MSRA: variants seen among roughly 807,000 people sequenced by gnomAD.
The protein encoded by MSRA is methionine sulfoxide reductase A, also known as mitochondrial peptide methionine sulfoxide reductase.
In MSRA, 54 loss-of-function variants were observed where a neutral mutation model predicts 31.3. That is an observed-to-expected ratio of 1.73 (90% CI 1.39 to 2.17). The LOEUF is 2.17. Among genes scored for constraint, MSRA ranks in the 30% most tolerant of loss-of-function variants. The pLI is 0.00. For synonymous variants in MSRA, 169 were observed against 116.5 expected, an observed-to-expected ratio of 1.45 and a Z score of -2.90; for missense variants, 507 against 300.9, an observed-to-expected ratio of 1.69 and a Z score of -5.07.
chr8:10,066,083 C>T (rs199538605), intron 1 of MSRA, among the ~76,000 whole-genome samples: 4 of 151,978 alleles, frequency 2.6e-5, no homozygotes, highest in African/African-American at 4.8e-5. Flanking sequence ...AGTGCAGTGG[C>T]ATGATCTCGG....
At position 10,392,707 on chromosome 8, in the gene MSRA, T is replaced by C. The variant is rs561663595; in HGVS notation, c.544-35441T>C. ...TTTTTTTTTTTTTAAATCTATGATA[T>C]TGGGAAGGTCAAATTAGCTGATCGC... On this transcript the variant is annotated intron_variant, in intron 5 of 5. Coordinates refer to ENST00000317173, the MANE Select transcript of MSRA (RefSeq NM_012331.5). Among the ~76,000 whole-genome samples the C allele has an allele frequency of 1.4e-3, 216 of 151,080 alleles. 4 individuals carry two copies. Among genetic ancestry groups the C allele is most frequent in the African/African-American group, 4.1e-3 (170 of 41,130 alleles).
intron 1 of MSRA, among the ~76,000 whole-genome samples, chr8:10,138,718 G>A (rs1802472535): frequency 6.6e-6 from 1 of 152,172 alleles, no homozygotes; most frequent in Non-Finnish European, 1.5e-5. Context: ...GTTGCTCGCT[G>A]TTGATTTATT....
chr8:10,201,239 A>C (rs550912846), intron 1 of MSRA, among the ~76,000 whole-genome samples: 15 of 151,958 alleles, frequency 9.9e-5, no homozygotes, highest in Non-Finnish European at 1.9e-4. Flanking sequence ...GAAACACTTG[A>C]TACGTCAGTC....
chr8:10,426,679 T>G (rs1217960892), intron 5 of MSRA, among the ~76,000 whole-genome samples: 2 of 152,242 alleles, frequency 1.3e-5, no homozygotes, highest in East Asian at 1.9e-4. Context: ...GCTGAGAATG[T>G]CAGGGACCAA....
At chr8:10,071,076 G>C (rs972628662) in intron 1 of MSRA, among the ~76,000 whole-genome samples, 5 of 152,178 alleles carry the variant, frequency 3.3e-5, no homozygotes, top group African/African-American at 1.2e-4. Flanking sequence ...ATAAGAAACT[G>C]CCAAACTGTT....
chr8:10,091,610 T>C (rs113904163), intron 1 of MSRA, among the ~76,000 whole-genome samples: 1 of 151,278 alleles, frequency 6.6e-6, no homozygotes, highest in Non-Finnish European at 1.5e-5. Flanking sequence ...TATGGTAGTT[T>C]TTTTTTTTTT....
chr8:10,320,026 C>A (rs746744050), intron 5 of MSRA, 37 bp downstream of exon 5: 16 of 1,408,074 alleles, frequency 1.1e-5, no homozygotes, highest in Non-Finnish European at 1.6e-5. Context: ...TGGCTTAGGC[C>A]ACCATGACTA....
At chr8:10,319,617 G>T (rs978226573) in intron 4 of MSRA, among the ~76,000 whole-genome samples, 4 of 151,460 alleles carry the variant, frequency 2.6e-5, no homozygotes, top group Non-Finnish European at 5.9e-5. Flanking sequence ...TGTATTCATA[G>T]AACATCTAGT....
intron 5 of MSRA, among the ~76,000 whole-genome samples, chr8:10,348,839 TG>T (rs1221726792): frequency 2.0e-5 from 3 of 152,140 alleles, no homozygotes; most frequent in East Asian, 1.9e-4. Context: ...GGAGAAGGCT[TG>T]GGGGGGACAA....
rs547697323 is a variant in MSRA, at chr8:10,148,082, A to G, written c.143-59751A>G. Among the ~76,000 whole-genome samples the G allele has an allele frequency of 3.9e-5, 6 of 152,198 alleles. No individual in the cohort carries two copies. The East Asian group carries it at 1.2e-3, about 30-fold the overall frequency. ...CGTGAGACCCCAGCCTGGCAAAGCG[A>G]GCACTCGGAGGCAGTGGGCAGAAAG... On this transcript the variant is annotated intron_variant, in intron 1 of 5. Coordinates refer to ENST00000317173, the MANE Select transcript of MSRA (RefSeq NM_012331.5).
rs183186335 is a variant in MSRA, at chr8:10,149,232, C to T, written c.143-58601C>T. Among the ~76,000 whole-genome samples, 153 of 152,116 alleles carry T rather than the reference C, an allele frequency of 1.0e-3. 1 individual carries two copies. Among genetic ancestry groups the T allele is most frequent in the African/African-American group, 3.5e-3 (146 of 41,504 alleles). Reference sequence around the variant, plus strand: ...CGCCTCCCGGGTTCAAGCAATTCTCCTGCCTCAGCCTCCCAAGTATCTGGG... The same window carrying T: ...CGCCTCCCGGGTTCAAGCAATTCTCTTGCCTCAGCCTCCCAAGTATCTGGG... On this transcript the variant is annotated intron_variant, in intron 1 of 5. Coordinates refer to ENST00000317173, the MANE Select transcript of MSRA (RefSeq NM_012331.5).
At chr8:10,122,963 T>A (rs1036291796) in intron 1 of MSRA, among the ~76,000 whole-genome samples, 3 of 152,228 alleles carry the variant, frequency 2.0e-5, no homozygotes, top group Admixed American at 1.3e-4. Flanking sequence ...TCTACATCTT[T>A]GCTATTGTGA....
chr8:10,337,437 C>T (rs1428443807), intron 5 of MSRA: 3 of 363,848 alleles, frequency 8.2e-6, no homozygotes, highest in East Asian at 1.1e-4. Flanking sequence ...CCTCGGCCTC[C>T]CAAAGTGCTG....
chr8:10,137,538 C>T (rs1039313469), intron 1 of MSRA, among the ~76,000 whole-genome samples: 1 of 152,204 alleles, frequency 6.6e-6, no homozygotes, highest in African/African-American at 2.4e-5. Context: ...GCTTCTATAA[C>T]AAACGAACTA....
chr8:10,341,252 G>C (rs975908163), intron 5 of MSRA, among the ~76,000 whole-genome samples: 2 of 152,208 alleles, frequency 1.3e-5, no homozygotes, highest in East Asian at 1.9e-4. Context: ...GCTGGCATCT[G>C]CTCGGCTCCT....
intron 2 of MSRA, among the ~76,000 whole-genome samples, chr8:10,233,466 G>T (rs1449372569): frequency 6.6e-6 from 1 of 152,224 alleles, no homozygotes; most frequent in Non-Finnish European, 1.5e-5. Flanking sequence ...AAAGAGGTCA[G>T]TGAAGAAATA....
chr8:10,239,117 A>C (rs1010904245), intron 2 of MSRA, among the ~76,000 whole-genome samples: 1 of 152,148 alleles, frequency 6.6e-6, no homozygotes, highest in African/African-American at 2.4e-5. Flanking sequence ...CCCATATACT[A>C]TGTGAAGAGA....
chr8:10,142,890 A>G (rs1227419434), intron 1 of MSRA, among the ~76,000 whole-genome samples: 1 of 152,238 alleles, frequency 6.6e-6, no homozygotes, highest in Non-Finnish European at 1.5e-5. Flanking sequence ...ACTTTAAACC[A>G]TGTTTTTATT....
chr8:10,353,681 A>G lies in MSRA; in HGVS notation c.543+33692A>G, dbSNP rs141746988. 127 of 456,256 alleles carry G rather than the reference A, an allele frequency of 2.8e-4. 1 individual carries two copies. Among genetic ancestry groups the G allele is most frequent in the Admixed American group, 1.9e-3 (82 of 42,576 alleles). 28.3% of individuals were successfully genotyped at this position (456,256 alleles called of 1,614,324 possible). A position where few individuals can be genotyped will look rare whatever the true frequency, so the allele number is the denominator to read the frequency against. On this transcript the variant is annotated intron_variant, in intron 5 of 5. Transcript: ENST00000317173. ...GGCTGCAGACGGAGGGAAGATGAGT[A>G]TAGGGACTCTCCTTGTCTGTCCCTG...
Sources: gnomAD v4.1 joint callset for allele counts (sites outside exome capture counted in the v4.1 genomes callset) on GRCh38, gnomAD v4.1.1 for gene constraint, MANE v1.5 for transcripts, NCBI Gene and HGNC (gene_info 2026-07-23, HGNC 2026-07-21) for gene names.